The following CPB2 variants were observed in gnomAD, a reference collection of about 807,000 sequenced individuals.
CPB2 encodes the protein carboxypeptidase B2.
A neutral mutation model predicts 57.0 loss-of-function variants in CPB2; 54 were observed. The ratio of observed to expected loss-of-function variants is 0.95; its 90% CI spans 0.76 to 1.19. The LOEUF (loss-of-function observed/expected upper bound fraction) is 1.19. Among genes scored for constraint, CPB2 ranks in the 50% most tolerant of loss-of-function variants. The pLI is 0.00. For synonymous variants in CPB2, 189 were observed against 178.1 expected (o/e 1.06, Z -0.49); for missense variants, 426 against 512.0 (o/e 0.83, Z 1.62).
At chr13:46,064,954 G>A (rs2044831335) in intron 7 of CPB2, among the ~76,000 whole-genome samples, 2 of 152,130 alleles carry the variant, frequency 1.3e-5, no homozygotes, top group Non-Finnish European at 2.9e-5. Flanking sequence ...GACTATTTTA[G>A]TTGAACCAAA....
chr13:46,089,347 G>A (rs1219785011), intron 1 of CPB2, among the ~76,000 whole-genome samples: 2 of 152,154 alleles, frequency 1.3e-5, no homozygotes, highest in African/African-American at 4.8e-5. Context: ...GTGTGGTTGT[G>A]TTGAGAGCCA....
intron 8 of CPB2, among the ~76,000 whole-genome samples, chr13:46,061,548 T>C (rs1444567301): frequency 6.6e-6 from 1 of 152,196 alleles, no homozygotes; most frequent in East Asian, 1.9e-4. Context: ...GGGAGGTTTG[T>C]GCAGAAAGAG....
intron 1 of CPB2, among the ~76,000 whole-genome samples, chr13:46,093,756 C>CT (rs2045327586): frequency 6.6e-6 from 1 of 152,026 alleles, no homozygotes; most frequent in African/African-American, 2.4e-5. Flanking sequence ...CAATTGAAGC[C>CT]TTGGGTAAGT....
intron 6 of CPB2, among the ~76,000 whole-genome samples, chr13:46,069,215 C>T (rs1209054443): frequency 6.6e-6 from 1 of 152,196 alleles, no homozygotes; most frequent in Non-Finnish European, 1.5e-5. Context: ...GGACTCCAGA[C>T]AGAAGGAGTG....
chr13:46,067,089 A>G (rs1466266232), intron 7 of CPB2, among the ~76,000 whole-genome samples: 1 of 152,136 alleles, frequency 6.6e-6, no homozygotes, highest in Non-Finnish European at 1.5e-5. Context: ...AAGACTGGTC[A>G]TGAGTTAATT....
chr13:46,082,343 A>G (rs184980254), intron 4 of CPB2, 98 bp downstream of exon 4: 7 of 683,640 alleles, frequency 1.0e-5, no homozygotes, highest in Admixed American at 2.8e-5. Context: ...ATTTTTTACC[A>G]TCTTCCACCA....
chr13:46,072,302 A>AT (rs2044954596), intron 6 of CPB2, among the ~76,000 whole-genome samples: 1 of 152,178 alleles, frequency 6.6e-6, no homozygotes, highest in Non-Finnish European at 1.5e-5. Context: ...TTTTGAATAT[A>AT]AAACCTACCT....
rs202213382 is a variant in CPB2, at chr13:46,056,095, ATATAT to A, written c.1000-251_1000-247del. ...ATATTGAAATAATTTATATAAATAA[ATATAT>A]TAATTTGCAGAAAAAAATTATCACA... is the stretch of plus-strand genomic sequence containing the variant. On this transcript the variant is annotated intron_variant, in intron 9 of 10. Coordinates refer to ENST00000181383, the MANE Select transcript of CPB2 (RefSeq NM_001872.5). 8.2e-3 allele frequency among the ~76,000 whole-genome samples: 1,248 copies of A among 151,990 alleles called. 16 individuals carry two copies. Among genetic ancestry groups the A allele is most frequent in the African/African-American group, 0.028 (1,170 of 41,514 alleles).
At chr13:46,068,293 A>C (rs2044885700) in intron 6 of CPB2, among the ~76,000 whole-genome samples, 1 of 152,198 alleles carries the variant, frequency 6.6e-6, no homozygotes, top group Admixed American at 6.5e-5. Flanking sequence ...TTCATTATTG[A>C]CAAAATAAAA....
intron 4 of CPB2, among the ~76,000 whole-genome samples, chr13:46,080,027 CA>C (rs1203679421): frequency 1.3e-5 from 2 of 152,122 alleles, no homozygotes; most frequent in Non-Finnish European, 2.9e-5. Context: ...AAAGCTACCA[CA>C]AAAAAATAAT....
rs767116297 is a variant in CPB2, at chr13:46,104,983, A to G, written c.27T>C (p.Leu9=). The G allele has an allele frequency of 6.2e-7, 1 of 1,614,038 alleles. No homozygotes were observed. The highest frequency in any genetic ancestry group is 1.1e-5 in the South Asian group (1 of 91,082). The part of the protein sequence containing the change: MKLCSLAV[L]VPIVLFCEQH... ...GCTCACAGAAGAGAACAATGGGTAC[A>G]AGGACTGCAAGGCTGCAAAGCTTCA... Residue 9 remains leucine, a synonymous_variant, in exon 1 of 11, where the codon CTT becomes CTC. Coordinates refer to ENST00000181383, the MANE Select transcript of CPB2 (RefSeq NM_001872.5).
At chr13:46,079,291 A>T (rs1363351501) in intron 4 of CPB2, among the ~76,000 whole-genome samples, 2 of 152,172 alleles carry the variant, frequency 1.3e-5, no homozygotes, top group African/African-American at 4.8e-5. Flanking sequence ...ACTTTTCAAG[A>T]TGAAGGGAGC....
At chr13:46,056,394 C>T (rs1374406385) in intron 9 of CPB2, among the ~76,000 whole-genome samples, 1 of 152,032 alleles carries the variant, frequency 6.6e-6, no homozygotes, top group Non-Finnish European at 1.5e-5. Flanking sequence ...TAACTAAGAC[C>T]CCCATTTGAC....
chr13:46,055,673 C>T (rs2044687187), intron 10 of CPB2, 89 bp downstream of exon 10: 1 of 694,506 alleles, frequency 1.4e-6, no homozygotes, highest in African/African-American at 1.8e-5. Context: ...CTATTTAATT[C>T]AGAAAAATTA....
chr13:46,084,551 A>T (rs1362131134), intron 2 of CPB2, among the ~76,000 whole-genome samples: 1 of 152,200 alleles, frequency 6.6e-6, no homozygotes, highest in East Asian at 1.9e-4. Context: ...GTTGCTAAAA[A>T]AAAATAAAAT....
At chr13:46,059,926 C>G (rs944562652) in intron 8 of CPB2, among the ~76,000 whole-genome samples, 1 of 152,242 alleles carries the variant, frequency 6.6e-6, no homozygotes, top group East Asian at 1.9e-4. Flanking sequence ...TCATTTTTAA[C>G]CAATAAGGTG....
At chr13:46,086,486 C>T (rs1012547644) in intron 2 of CPB2, among the ~76,000 whole-genome samples, 3 of 152,178 alleles carry the variant, frequency 2.0e-5, no homozygotes, top group Non-Finnish European at 4.4e-5. Flanking sequence ...CTCCTCTCTA[C>T]AGCTGGTCCT....
chr13:46,078,812 G>A lies in CPB2; in HGVS notation c.474C>T (p.Leu158=), dbSNP rs34248502. 22 of 1,600,690 alleles carry A rather than the reference G, an allele frequency of 1.4e-5. No homozygotes were observed. The highest frequency in any genetic ancestry group is 6.7e-5 in the Admixed American group (4 of 59,966). The part of the protein sequence containing the change: ...HIGSSFEKYP[L]YVLKVSGKEQ... ...CCCCACAACATACCTTTAAAACATA[G>A]AGTGGGTACTTCTCAAATGAGGATC... The change falls in exon 5 of 11, where the codon CTC becomes CTT. Residue 158 remains leucine (L), a synonymous_variant. Coordinates refer to ENST00000181383, the MANE Select transcript of CPB2 (RefSeq NM_001872.5).
At chr13:46,073,010 G>A (rs1028774731) in intron 6 of CPB2, among the ~76,000 whole-genome samples, 1 of 152,160 alleles carries the variant, frequency 6.6e-6, no homozygotes, top group Non-Finnish European at 1.5e-5. Context: ...CATGGAGAAT[G>A]GAGGATAGAA....
Sources: gnomAD v4.1 joint callset for allele counts (sites outside exome capture counted in the v4.1 genomes callset) on GRCh38, gnomAD v4.1.1 for gene constraint, MANE v1.5 for transcripts, NCBI Gene and HGNC (gene_info 2026-07-23, HGNC 2026-07-21) for gene names.